Variants in RUFY2 observed in about 807,000 individuals in gnomAD.
The protein encoded by RUFY2 is RUN and FYVE domain containing 2.
RUFY2 carries 49 observed loss-of-function variants against 94.4 expected under a neutral mutation model. The ratio of observed to expected loss-of-function variants is 0.52; its 90% CI spans 0.41 to 0.66. The LOEUF (loss-of-function observed/expected upper bound fraction) is 0.66, where lower values mean the gene tolerates loss of function less well. Ranked by LOEUF, RUFY2 falls within the 30% of genes least tolerant of loss-of-function variation. The probability of loss-of-function intolerance (pLI) is 0.00; values close to 1 mark genes in which losing one functional copy is unlikely to be tolerated. For synonymous variants in RUFY2, 255 were observed against 235.7 expected (o/e 1.08, Z -0.75); for missense variants, 541 against 692.8 (o/e 0.78, Z 2.46).
In RUFY2 at chr10:68,373,541, G is replaced by C. The variant is rs886235279; in HGVS notation, c.1325+3312C>G. Among the ~76,000 whole-genome samples, 387 of 152,052 alleles carry C rather than the reference G, an allele frequency of 2.5e-3. 2 individuals carry two copies. The highest frequency in any genetic ancestry group is 8.9e-3 in the African/African-American group (368 of 41,474). The stretch of plus-strand genomic sequence containing the variant: ...AAATGCTTTAGGAGGCTGAGGCAGA[G>C]GAATCACTTGAGGCCAGGAGTTCCA... On this transcript the variant is annotated intron_variant, in intron 13 of 17. Transcript: ENST00000602465.
intron 10 of RUFY2, among the ~76,000 whole-genome samples, chr10:68,381,747 C>A (rs957824550): frequency 6.6e-6 from 1 of 152,164 alleles, no homozygotes; most frequent in African/African-American, 2.4e-5. Flanking sequence ...ACCAGAGAGG[C>A]TGAGGTGAAA....
In RUFY2 at chr10:68,396,868, G is replaced by C; in HGVS notation, c.310C>G (p.Arg104Gly). ...GCTAATCGAAGCCACGCTCTTGCTC[G>C]ACCCAGAGGGGTCCTAAAGAGAAGA... Reference protein sequence around the residue: ...DLPGLKTPLGRARAWLRLALM... With the variant: ...DLPGLKTPLGGARAWLRLALM... The change falls in exon 4 of 18, where the codon CGA becomes GGA. Residue 104 changes from arginine to glycine, a missense_variant. Arg to Gly is a moderately radical substitution (Grantham distance 125). Around this residue, in one of 3 missense-constraint regions of RUFY2, gnomAD observed 85 missense variants for 153.4 expected, o/e 0.55. Coordinates refer to ENST00000602465, the MANE Select transcript of RUFY2 (RefSeq NM_001330103.2). 1 of 1,612,950 alleles carries C rather than the reference G, an allele frequency of 6.2e-7. No homozygotes were observed. The highest frequency in any genetic ancestry group is 8.5e-7 in the Non-Finnish European group (1 of 1,179,300).
chr10:68,363,697 A>G lies in RUFY2; in HGVS notation c.1456-13T>C, dbSNP rs1279748515. 2 of 1,472,148 alleles carry G rather than the reference A, an allele frequency of 1.4e-6. No homozygotes were observed. Among genetic ancestry groups the G allele is most frequent in the Admixed American group, 2.2e-5 (1 of 44,660 alleles). 91.2% of individuals were successfully genotyped at this position (1,472,148 alleles called of 1,614,324 possible). On this transcript the variant is annotated splice_polypyrimidine_tract_variant and intron_variant, in intron 14 of 17. Coordinates refer to ENST00000602465, the MANE Select transcript of RUFY2 (RefSeq NM_001330103.2). ...GGTTAAGGAACTCCTTCAGAACAAT[A>G]AAAGACAGAAAATGAAATTTAAAAG...
chr10:68,394,715 T>C (rs1370837480), intron 4 of RUFY2, among the ~76,000 whole-genome samples: 4 of 152,006 alleles, frequency 2.6e-5, no homozygotes, highest in Non-Finnish European at 4.4e-5. Context: ...CTGCAAGCTC[T>C]GCCTCCCGGG....
At position 68,403,364 on chromosome 10, in the gene RUFY2, G is replaced by T. The variant is rs969439963; in HGVS notation, c.178+1307C>A. On this transcript the variant is annotated intron_variant, in intron 2 of 17. Transcript: ENST00000602465. ...CCTCCCAGGTTCAAACAATTCTCCT[G>T]CCTCAGCCTCCTGAGTAGCTGGGAT... is the stretch of plus-strand genomic sequence containing the variant. Among the ~76,000 whole-genome samples, 8 of 152,118 alleles carry T rather than the reference G, an allele frequency of 5.3e-5. No individual in the cohort carries two copies. The South Asian group carries it at 1.7e-3, about 32-fold the overall frequency.
chr10:68,383,604 A>T (rs1362722871), intron 10 of RUFY2, among the ~76,000 whole-genome samples, 194 bp downstream of exon 10: 1 of 152,232 alleles, frequency 6.6e-6, no homozygotes, highest in Non-Finnish European at 1.5e-5. Flanking sequence ...TGGGCCACAG[A>T]GTGAGAATCT....
Position 68,345,809 on chromosome 10 carries a change from G to T in RUFY2, c.1780C>A (p.His594Asn). 1 of 1,613,920 alleles carries T rather than the reference G, an allele frequency of 6.2e-7. No homozygotes were observed. The highest frequency in any genetic ancestry group is 1.1e-5 in the South Asian group (1 of 91,080). The change falls in exon 18 of 18, where the codon CAT (histidine) becomes AAT (asparagine). Residue 594 changes from histidine (H) to asparagine (N), a missense_variant. His to Asn is a moderately conservative substitution (Grantham distance 68). This residue lies in a region of RUFY2 where 403 missense variants were observed against 480.7 expected (regional missense o/e 0.84). Transcript: ENST00000602465. The part of the protein sequence containing the change: ...PKPVRVCDSC[H>N]ALLIQRCSSN... The stretch of plus-strand genomic sequence containing the variant: ...GAGCATCTCTGAATGAGCAGTGCAT[G>T]ACAGGAATCACAAACCCGTACTGGT...
At chr10:68,398,608 C>T (rs191164260) in intron 3 of RUFY2, among the ~76,000 whole-genome samples, 18 of 152,168 alleles carry the variant, frequency 1.2e-4, no homozygotes, top group Non-Finnish European at 1.9e-4. Flanking sequence ...GCCAAGATCC[C>T]GCCACTGCAC....
chr10:68,385,670 G>GGT (rs2049442495), intron 8 of RUFY2, among the ~76,000 whole-genome samples: 1 of 152,114 alleles, frequency 6.6e-6, no homozygotes, highest in Non-Finnish European at 1.5e-5. Context: ...TTGTTACACA[G>GGT]GTATACATGT....
In RUFY2 at chr10:68,400,870, G is replaced by A. The variant is rs138373180; in HGVS notation, c.296+750C>T. ...TACTAAAAATACAAAAAAATTAGCC[G>A]GGCGTGGTGGCGGGCGCCTGTAGTC... On this transcript the variant is annotated intron_variant, in intron 3 of 17. Transcript: ENST00000602465. 8.2e-3 allele frequency among the ~76,000 whole-genome samples: 1,237 copies of A among 150,742 alleles called. 20 individuals carry two copies. Among genetic ancestry groups the A allele is most frequent in the African/African-American group, 0.028 (1,153 of 40,822 alleles).
intron 16 of RUFY2, chr10:68,346,353 G>A (rs973940509): frequency 3.9e-5 from 13 of 336,026 alleles, no homozygotes; most frequent in Non-Finnish European, 6.5e-5. Flanking sequence ...CTACTTGGGA[G>A]GCTGAGGTGA....
intron 7 of RUFY2, among the ~76,000 whole-genome samples, chr10:68,392,808 G>C (rs147737172): frequency 0.03 from 4,470 of 150,148 alleles, 217 homozygotes; most frequent in African/African-American, 0.1. Flanking sequence ...CGCGCCTATA[G>C]TCCCAGCTAC....
At chr10:68,354,960 C>A (rs2132364457) in intron 16 of RUFY2, among the ~76,000 whole-genome samples, 1 of 152,120 alleles carries the variant, frequency 6.6e-6, no homozygotes, top group African/African-American at 2.4e-5. Context: ...AATTCTCCTG[C>A]CTCAGCCTCC....
Position 68,379,463 on chromosome 10 carries a change from G to T in RUFY2, c.1166C>A (p.Thr389Asn), listed in dbSNP as rs1389286686. ...NEIIARLEEKTNKITAAMRQL... is the reference protein window; with the variant it reads ...NEIIARLEEKNNKITAAMRQL... ...CCTCATGGCTGCAGTAATTTTATTGGTTTTTTCTTCTAGTCGGGCAATTAT... is the reference window on the plus strand; with the variant it reads ...CCTCATGGCTGCAGTAATTTTATTGTTTTTTTCTTCTAGTCGGGCAATTAT... Residue 389 changes from threonine (T) to asparagine (N), a missense_variant, in exon 12 of 18, where the codon ACC becomes AAC. Physicochemically the swap from Thr to Asn is moderately conservative, Grantham distance 65. Around this residue, in one of 3 missense-constraint regions of RUFY2, gnomAD observed 403 missense variants for 480.7 expected, o/e 0.84. Transcript: ENST00000602465. 14 of 1,612,282 alleles carry T rather than the reference G, an allele frequency of 8.7e-6. No individual in the cohort carries two copies. Among genetic ancestry groups the T allele is most frequent in the Non-Finnish European group, 1.2e-5 (14 of 1,179,314 alleles).
rs534945008 is a variant in RUFY2 at position 68,373,973 on chromosome 10, G to A, written c.1325+2880C>T. ...AATAAAAAGAAAAATAAGTTAGCTGGGTATGGTGGCACAATGCCTAAGGTC... is the reference window on the plus strand; with the variant it reads ...AATAAAAAGAAAAATAAGTTAGCTGAGTATGGTGGCACAATGCCTAAGGTC... On this transcript the variant is annotated intron_variant, in intron 13 of 17. Coordinates refer to ENST00000602465, the MANE Select transcript of RUFY2 (RefSeq NM_001330103.2). Among the ~76,000 whole-genome samples the A allele has an allele frequency of 5.3e-5, 8 of 151,764 alleles. No homozygotes were observed. The East Asian group carries it at 1.5e-3, about 29-fold the overall frequency.
intron 13 of RUFY2, among the ~76,000 whole-genome samples, chr10:68,375,161 G>A (rs535906562): frequency 6.6e-6 from 1 of 152,066 alleles, no homozygotes; most frequent in Non-Finnish European, 1.5e-5. Flanking sequence ...TGAGAGTTGA[G>A]ACGGGAGAAT....
At chr10:68,379,975 T>A (rs2048930361) in intron 11 of RUFY2, among the ~76,000 whole-genome samples, 1 of 151,562 alleles carries the variant, frequency 6.6e-6, no homozygotes, top group African/African-American at 2.4e-5. Flanking sequence ...GCCCAGCTAA[T>A]TTTTTTGTAT....
At chr10:68,386,255 G>T in intron 7 of RUFY2, 127 bp from the exon 8 acceptor site, 1 of 599,094 alleles carries the variant, frequency 1.7e-6, no homozygotes, top group Non-Finnish European at 2.8e-6. Context: ...ATTTCTGAGT[G>T]TGGAAAATTT....
chr10:68,353,828 A>T (rs2046864250), intron 16 of RUFY2, among the ~76,000 whole-genome samples: 1 of 151,720 alleles, frequency 6.6e-6, no homozygotes, highest in Admixed American at 6.6e-5. Flanking sequence ...TAACATAAAT[A>T]AAAAATATAT....
Sources: allele counts gnomAD v4.1 joint callset (sites outside exome capture counted in the v4.1 genomes callset), GRCh38; gene constraint gnomAD v4.1.1; regional missense constraint gnomAD v4.1.1; transcripts MANE v1.5; gene names NCBI Gene and HGNC (gene_info 2026-07-23, HGNC 2026-07-21).